Variants in RBM47 observed in about 807,000 individuals in gnomAD.
RBM47 encodes RNA-binding protein 47.
A neutral mutation model predicts 47.1 loss-of-function variants in RBM47; 21 were observed. The ratio of observed to expected loss-of-function variants is 0.45; its 90% CI spans 0.32 to 0.64. The LOEUF is 0.64. Ranked by LOEUF, RBM47 falls within the 30% of genes least tolerant of loss-of-function variation. The pLI is 0.05. For synonymous variants in RBM47, 375 were observed against 361.7 expected (o/e 1.04, Z -0.42); for missense variants, 708 against 870.9 (o/e 0.81, Z 2.35).
intron 2 of RBM47, among the ~76,000 whole-genome samples, chr4:40,508,822 G>A (rs1724475749): frequency 6.6e-6 from 1 of 152,190 alleles, no homozygotes; most frequent in Non-Finnish European, 1.5e-5. Context: ...TAACAGTCGT[G>A]CAGTTTACTG....
intron 2 of RBM47, among the ~76,000 whole-genome samples, chr4:40,527,069 T>C (rs1577886051): frequency 6.6e-6 from 1 of 152,070 alleles, no homozygotes; most frequent in East Asian, 1.9e-4. Flanking sequence ...ATGCTAGGCT[T>C]ATATCTTTGA....
intron 1 of RBM47, among the ~76,000 whole-genome samples, chr4:40,604,094 C>A (rs182630058): frequency 1.3e-4 from 20 of 152,354 alleles, no homozygotes; most frequent in Admixed American, 1.3e-3. Context: ...GGTCTTCACC[C>A]TTTGGCCCTA....
intron 3 of RBM47, among the ~76,000 whole-genome samples, chr4:40,453,817 G>C (rs1218827181): frequency 6.6e-6 from 1 of 151,838 alleles, no homozygotes; most frequent in Non-Finnish European, 1.5e-5. Flanking sequence ...AATCTCTCTT[G>C]TTCTTTGCTC....
At chr4:40,490,303 AAAAG>A (rs1488782911) in intron 2 of RBM47, among the ~76,000 whole-genome samples, 2 of 152,156 alleles carry the variant, frequency 1.3e-5, no homozygotes, top group African/African-American at 2.4e-5. Context: ...AAAAGAAAAA[AAAAG>A]AAAGAAAGGG....
intron 6 of RBM47, among the ~76,000 whole-genome samples, chr4:40,427,959 G>T (rs111959954): frequency 6.6e-6 from 1 of 152,160 alleles, no homozygotes; most frequent in Non-Finnish European, 1.5e-5. Context: ...GGGAGGTTGA[G>T]GTAGGAGGAT....
chr4:40,569,552 G>A (rs1008393456), intron 1 of RBM47, among the ~76,000 whole-genome samples: 2 of 150,722 alleles, frequency 1.3e-5, no homozygotes, highest in Non-Finnish European at 3.0e-5. Flanking sequence ...TGGGACTACA[G>A]GCGCCCACCA....
chr4:40,464,834 T>A (rs1042018470), intron 3 of RBM47, among the ~76,000 whole-genome samples: 4 of 126,454 alleles, frequency 3.2e-5, no homozygotes, highest in African/African-American at 1.2e-4. Context: ...GAGCTTGCAG[T>A]GAGCCGAGAT....
At chr4:40,449,789 C>T (rs1255861837) in intron 3 of RBM47, among the ~76,000 whole-genome samples, 1 of 152,184 alleles carries the variant, frequency 6.6e-6, no homozygotes, top group East Asian at 1.9e-4. Context: ...AGTGATTCTC[C>T]TGCCTCAGCC....
chr4:40,425,599 C>A lies in RBM47; in HGVS notation c.*305G>T. 1 of 220,488 alleles carries A rather than the reference C, an allele frequency of 4.5e-6. No individual in the cohort carries two copies. The highest frequency in any genetic ancestry group is 9.0e-6 in the Non-Finnish European group (1 of 110,498). 13.7% of individuals were successfully genotyped at this position (220,488 alleles called of 1,614,324 possible). ...ATAACCTTCATACTGAAAATATATC[C>A]TTAAAAAAACAACAACAAAAACCTC... is the stretch of plus-strand genomic sequence containing the variant. On this transcript the variant is annotated 3_prime_UTR_variant, in exon 7 of 7. Coordinates refer to ENST00000295971, the MANE Select transcript of RBM47 (RefSeq NM_001098634.2).
At chr4:40,627,329 GT>G (rs574146563) in intron 1 of RBM47, among the ~76,000 whole-genome samples, 1 of 152,026 alleles carries the variant, frequency 6.6e-6, no homozygotes, top group Admixed American at 6.6e-5. Flanking sequence ...CCTCTTCAGA[GT>G]TTTTTTTCCC....
intron 3 of RBM47, among the ~76,000 whole-genome samples, chr4:40,446,738 C>CAAAAAAAAAAAAAAAAAA (rs34186378): frequency 1.3e-5 from 1 of 76,308 alleles, no homozygotes; most frequent in Non-Finnish European, 2.3e-5. Context: ...GACCCAGTCT[C>CAAAAAAAAAAAAAAAAAA]AAAAAAAAAA....
intron 1 of RBM47, among the ~76,000 whole-genome samples, chr4:40,608,406 A>C (rs1215501480): frequency 2.0e-5 from 3 of 152,214 alleles, no homozygotes; most frequent in African/African-American, 4.8e-5. Context: ...CACTGATATA[A>C]TAAGCAGAGC....
intron 2 of RBM47, among the ~76,000 whole-genome samples, chr4:40,523,184 C>G (rs1366844656): frequency 1.3e-5 from 2 of 151,662 alleles, no homozygotes; most frequent in Admixed American, 1.3e-4. Context: ...CCAGGCTGGT[C>G]TTGAACTCCT....
chr4:40,470,914 T>C (rs1193692781), intron 2 of RBM47, among the ~76,000 whole-genome samples: 1 of 152,156 alleles, frequency 6.6e-6, no homozygotes, highest in Non-Finnish European at 1.5e-5. Flanking sequence ...GGCTAATTTT[T>C]GTATTTTTAG....
chr4:40,533,349 A>C (rs1466200904), intron 2 of RBM47, among the ~76,000 whole-genome samples: 1 of 151,496 alleles, frequency 6.6e-6, no homozygotes, highest in Non-Finnish European at 1.5e-5. Context: ...CAGGAGAGTC[A>C]CTTGAACTCG....
chr4:40,536,595 C>T (rs2154260788), intron 2 of RBM47, among the ~76,000 whole-genome samples: 1 of 152,288 alleles, frequency 6.6e-6, no homozygotes, highest in South Asian at 2.1e-4. Flanking sequence ...GTCCAGACCT[C>T]TTCCGTTTAG....
At chr4:40,431,440 C>T (rs960580602) in intron 6 of RBM47, among the ~76,000 whole-genome samples, 16 of 152,212 alleles carry the variant, frequency 1.1e-4, no homozygotes, top group African/African-American at 3.9e-4. Flanking sequence ...GGGCGGATCA[C>T]GAGGTCAGGA....
intron 1 of RBM47, among the ~76,000 whole-genome samples, chr4:40,550,468 G>C (rs1729456253): frequency 6.6e-6 from 1 of 152,090 alleles, no homozygotes; most frequent in Admixed American, 6.6e-5. Flanking sequence ...GCCCATGCTG[G>C]AATGTAGTGC....
intron 2 of RBM47, among the ~76,000 whole-genome samples, chr4:40,540,235 C>T (rs931932726): frequency 3.9e-5 from 6 of 152,014 alleles, no homozygotes; most frequent in African/African-American, 1.4e-4. Context: ...CTCAAAACAT[C>T]ACTATGTACC....
Sources: gnomAD v4.1 joint callset for allele counts (sites outside exome capture counted in the v4.1 genomes callset) on GRCh38, gnomAD v4.1.1 for gene constraint, MANE v1.5 for transcripts, NCBI Gene and HGNC (gene_info 2026-07-23, HGNC 2026-07-21) for gene names.